GTF2IRD1: variants seen among roughly 807,000 people sequenced by gnomAD.
GTF2IRD1 encodes GTF2I repeat domain containing 1, also known as general transcription factor II-I repeat domain-containing protein 1.
GTF2IRD1 carries 26 observed loss-of-function variants against 113.2 expected under a neutral mutation model. The observed-to-expected ratio is 0.23, with a 90% CI of 0.17 to 0.32. GTF2IRD1 has a LOEUF of 0.32. Among genes scored for constraint, GTF2IRD1 ranks in the 10% least tolerant of loss-of-function variants. The pLI is 1.00. For missense variants in GTF2IRD1, 864 were observed against 1,280.8 expected, an observed-to-expected ratio of 0.67 and a Z score of 4.97; for synonymous variants, 484 against 529.1, an observed-to-expected ratio of 0.91 and a Z score of 1.17.
chr7:74,496,075 CATGT>C (rs1472249907), intron 1 of GTF2IRD1, among the ~76,000 whole-genome samples: 3 of 151,694 alleles, frequency 2.0e-5, no homozygotes, highest in African/African-American at 7.3e-5. Flanking sequence ...TGTGGACATG[CATGT>C]GAGTTTGCAT....
At chr7:74,564,214 AC>A (rs1377505994) in intron 22 of GTF2IRD1, among the ~76,000 whole-genome samples, 2 of 152,042 alleles carry the variant, frequency 1.3e-5, no homozygotes, top group African/African-American at 4.8e-5. Flanking sequence ...TTGAGTAGAG[AC>A]GGGGTTTCAC....
intron 2 of GTF2IRD1, among the ~76,000 whole-genome samples, chr7:74,509,918 G>A (rs1056192879): frequency 1.3e-5 from 2 of 152,020 alleles, no homozygotes; most frequent in Admixed American, 6.6e-5. Context: ...CTCGTGATCC[G>A]CCCACCTCAG....
Position 74,529,909 on chromosome 7 carries a change from C to T in GTF2IRD1, c.1266C>T (p.Ile422=). ...AGGAGCGCCATAGTATCCACTTCATCATTAAGAGGTGCGGGTGGGGCTGGG... is the reference window on the plus strand; with the variant it reads ...AGGAGCGCCATAGTATCCACTTCATTATTAAGAGGTGCGGGTGGGGCTGGG... ...ILEERHSIHF[I]IKRMFDERIF... Residue 422 remains isoleucine, a synonymous_variant, in exon 9 of 27, where the codon ATC becomes ATT. Coordinates refer to ENST00000424337, the MANE Select transcript of GTF2IRD1 (RefSeq NM_005685.4). The T allele has an allele frequency of 6.2e-7, 1 of 1,612,596 alleles. No individual in the cohort carries two copies. The highest frequency in any genetic ancestry group is 8.5e-7 in the Non-Finnish European group (1 of 1,178,990).
intron 1 of GTF2IRD1, among the ~76,000 whole-genome samples, chr7:74,473,207 A>G (rs562849490): frequency 5.9e-5 from 9 of 152,306 alleles, no homozygotes; most frequent in Admixed American, 2.0e-4. Context: ...TGGGATGACA[A>G]CCAGAAGAGC....
intron 14 of GTF2IRD1, among the ~76,000 whole-genome samples, chr7:74,541,248 T>C (rs1339358404): frequency 6.6e-6 from 1 of 151,652 alleles, no homozygotes; most frequent in African/African-American, 2.4e-5. Context: ...TCCAGCACTT[T>C]GGGAGGCCAA....
At position 74,559,026 on chromosome 7, in the gene GTF2IRD1, T is replaced by G. The variant is rs1799786509; in HGVS notation, c.2273T>G (p.Ile758Ser). The G allele has an allele frequency of 1.2e-6, 2 of 1,613,688 alleles. No homozygotes were observed. Among genetic ancestry groups the G allele is most frequent in the Non-Finnish European group, 1.7e-6 (2 of 1,179,932 alleles). The part of the protein sequence containing the change: ...LERILAVADK[I>S]KFTVTRPFQG... ...AGGATTCTTGCTGTGGCTGACAAGA[T>G]CAAGTTCACAGTCACCAGGTACTCA... The change falls in exon 21 of 27, where the codon ATC becomes AGC. Residue 758 changes from isoleucine (I) to serine (S), a missense_variant. Ile to Ser is a moderately radical substitution (Grantham distance 142, BLOSUM62 -2). Around this residue, in one of 7 missense-constraint regions of GTF2IRD1, gnomAD observed 195 missense variants for 359.1 expected, o/e 0.54. Transcript: ENST00000424337.
intron 1 of GTF2IRD1, among the ~76,000 whole-genome samples, chr7:74,477,228 C>G (rs1380100664): frequency 1.3e-5 from 2 of 151,986 alleles, no homozygotes; most frequent in East Asian, 3.9e-4. Flanking sequence ...GCCACACATG[C>G]CAGTGCGCAC....
rs1554351261 is a variant in GTF2IRD1 at position 74,539,892 on chromosome 7, C to T, written c.1542C>T (p.Thr514=). The change falls in exon 14 of 27, where the codon ACC becomes ACT. Residue 514 remains threonine, a synonymous_variant. Transcript: ENST00000424337. ...TTTTGTCTTCAGACCCCTCGCCAAC[C>T]TCTGAGGAAATGACAGACTCGATGC... ...IQVTVPDPSP[T]SEEMTDSMPG... The T allele has an allele frequency of 6.2e-7, 1 of 1,612,298 alleles. No individual in the cohort carries two copies. Among genetic ancestry groups the T allele is most frequent in the African/African-American group, 1.3e-5 (1 of 74,878 alleles).
intron 2 of GTF2IRD1, among the ~76,000 whole-genome samples, chr7:74,511,299 G>A (rs1796614710): frequency 6.6e-6 from 1 of 152,124 alleles, no homozygotes. Context: ...TGGGCTGAAG[G>A]GATGTGCCTT....
chr7:74,466,193 G>A (rs1220554853), intron 1 of GTF2IRD1, among the ~76,000 whole-genome samples: 1 of 152,184 alleles, frequency 6.6e-6, no homozygotes. Flanking sequence ...CTTGTTAGAG[G>A]CCAGGCCCTG....
intron 8 of GTF2IRD1, among the ~76,000 whole-genome samples, chr7:74,528,682 G>C (rs587651108): frequency 1.8e-4 from 26 of 148,106 alleles, no homozygotes; most frequent in African/African-American, 6.2e-4. Context: ...AGGAGGGAGG[G>C]AGGGAGGGAG....
intron 1 of GTF2IRD1, among the ~76,000 whole-genome samples, chr7:74,499,491 A>C (rs781899498): frequency 1.3e-5 from 2 of 152,202 alleles, no homozygotes; most frequent in African/African-American, 2.4e-5. Context: ...GGGAGCAATG[A>C]ATGAATGCAT....
intron 17 of GTF2IRD1, among the ~76,000 whole-genome samples, chr7:74,547,754 TC>T (rs1227986883): frequency 1.6e-5 from 2 of 124,030 alleles, no homozygotes; most frequent in Non-Finnish European, 1.7e-5. Flanking sequence ...TTTCTCTCTC[TC>T]TTTTTTTTTT....
chr7:74,510,459 A>C (rs1484038901), intron 2 of GTF2IRD1, among the ~76,000 whole-genome samples: 3 of 151,580 alleles, frequency 2.0e-5, no homozygotes, highest in African/African-American at 7.3e-5. Flanking sequence ...GGTGTGCGCC[A>C]CCACACCTGG....
chr7:74,539,239 A>G (rs1189396520), intron 13 of GTF2IRD1, among the ~76,000 whole-genome samples: 2 of 152,150 alleles, frequency 1.3e-5, no homozygotes, highest in African/African-American at 4.8e-5. Context: ...TGAGGCCAGG[A>G]GTTCAAGACC....
At chr7:74,589,961 G>C (rs782324514) in intron 23 of GTF2IRD1, 33 bp downstream of exon 23, 109 of 1,439,784 alleles carry the variant, frequency 7.6e-5, no homozygotes, top group Admixed American at 1.5e-4. Flanking sequence ...AGCACACCAA[G>C]CCCTCCTCCC....
At chr7:74,503,473 C>G (rs1796139503) in intron 1 of GTF2IRD1, among the ~76,000 whole-genome samples, 1 of 152,052 alleles carries the variant, frequency 6.6e-6, no homozygotes, top group Non-Finnish European at 1.5e-5. Flanking sequence ...TTTAATATTT[C>G]AGCTTTTAGG....
chr7:74,588,915 C>A (rs1554368631), intron 22 of GTF2IRD1, among the ~76,000 whole-genome samples: 4 of 152,106 alleles, frequency 2.6e-5, no homozygotes, highest in African/African-American at 9.7e-5. Flanking sequence ...TCATTCATGC[C>A]CCTTGTCTCC....
chr7:74,532,618 A>T (rs1165228254), intron 9 of GTF2IRD1, among the ~76,000 whole-genome samples: 1 of 151,902 alleles, frequency 6.6e-6, no homozygotes, highest in Non-Finnish European at 1.5e-5. Context: ...GGGCTGAGGA[A>T]GCAGGCCTCA....
Sources: allele counts gnomAD v4.1 joint callset (sites outside exome capture counted in the v4.1 genomes callset), GRCh38; gene constraint gnomAD v4.1.1; regional missense constraint gnomAD v4.1.1; transcripts MANE v1.5; gene names NCBI Gene and HGNC (gene_info 2026-07-23, HGNC 2026-07-21).